Variants in CTNNA2 observed in about 807,000 individuals in gnomAD.
The protein encoded by CTNNA2 is catenin alpha 2, also known as catenin alpha-2.
CTNNA2 carries 42 observed loss-of-function variants against 101.0 expected under a neutral mutation model. The ratio of observed to expected loss-of-function variants is 0.42; its 90% confidence interval spans 0.32 to 0.54. CTNNA2 has a LOEUF of 0.54. CTNNA2 is among the 20% of genes least tolerant of loss of function. The probability of loss-of-function intolerance (pLI) is 0.14; values close to 1 mark genes in which losing one functional copy is unlikely to be tolerated. For missense variants in CTNNA2, 871 were observed against 1,223.1 expected (o/e 0.71, Z 4.29); for synonymous variants, 450 against 456.4 (o/e 0.99, Z 0.18).
chr2:79,964,675 G>A (rs1358572455), intron 7 of CTNNA2, among the ~76,000 whole-genome samples: 1 of 152,078 alleles, frequency 6.6e-6, no homozygotes, highest in Non-Finnish European at 1.5e-5. Context: ...ACAAGTTCTG[G>A]GTAAATGTGC....
chr2:80,217,129 G>A (rs1444461362), intron 7 of CTNNA2, among the ~76,000 whole-genome samples: 1 of 151,996 alleles, frequency 6.6e-6, no homozygotes, highest in African/African-American at 2.4e-5. Flanking sequence ...ACCGAGCCCA[G>A]CCTATTTCTA....
intron 18 of CTNNA2, among the ~76,000 whole-genome samples, chr2:80,642,305 T>A (rs976747583): frequency 6.6e-6 from 1 of 152,150 alleles, no homozygotes; most frequent in Non-Finnish European, 1.5e-5. Flanking sequence ...TCAAGGTAAA[T>A]TGCTATTCCT....
chr2:79,762,369 T>C (rs1313264125), intron 3 of CTNNA2, among the ~76,000 whole-genome samples: 1 of 151,928 alleles, frequency 6.6e-6, no homozygotes, highest in African/African-American at 2.4e-5. Flanking sequence ...CCTGGAGGAG[T>C]GCTTCAAGAA....
intron 7 of CTNNA2, among the ~76,000 whole-genome samples, chr2:80,007,973 A>G (rs912168348): frequency 3.9e-5 from 6 of 152,196 alleles, no homozygotes; most frequent in Non-Finnish European, 7.4e-5. Flanking sequence ...ATTAACTTGT[A>G]ATGTTCAAAA....
chr2:80,145,974 A>G (rs933832364), intron 7 of CTNNA2, among the ~76,000 whole-genome samples: 5 of 152,194 alleles, frequency 3.3e-5, no homozygotes, highest in African/African-American at 1.2e-4. Flanking sequence ...GCTTTGACCC[A>G]TAGAATGTGG....
intron 1 of CTNNA2, among the ~76,000 whole-genome samples, chr2:79,595,855 C>G (rs1677156540): frequency 6.6e-6 from 1 of 151,332 alleles, no homozygotes; most frequent in Non-Finnish European, 1.5e-5. Flanking sequence ...TAGATGGTTT[C>G]CAACTGCCTT....
At chr2:80,046,556 A>G (rs561705293) in intron 7 of CTNNA2, among the ~76,000 whole-genome samples, 41 of 152,206 alleles carry the variant, frequency 2.7e-4, no homozygotes, top group Non-Finnish European at 3.8e-4. Flanking sequence ...ACAGAACTCT[A>G]TGTTCAAACA....
intron 4 of CTNNA2, among the ~76,000 whole-genome samples, chr2:79,475,532 T>G (rs1342928452): frequency 6.6e-6 from 1 of 152,164 alleles, no homozygotes; most frequent in Non-Finnish European, 1.5e-5. Context: ...ATATGAACCA[T>G]CCAAAGAGAT....
intron 1 of CTNNA2, among the ~76,000 whole-genome samples, chr2:79,537,144 A>G (rs1673123590): frequency 6.6e-6 from 1 of 152,084 alleles, no homozygotes; most frequent in Admixed American, 6.5e-5. Flanking sequence ...CCATTGAAGG[A>G]CGTTCTGTTG....
At chr2:80,418,828 A>C (rs1483807314) in intron 8 of CTNNA2, among the ~76,000 whole-genome samples, 1 of 152,230 alleles carries the variant, frequency 6.6e-6, no homozygotes, top group Non-Finnish European at 1.5e-5. Flanking sequence ...ATGATGTATA[A>C]TTATGCATTG....
chr2:80,492,672 G>C (rs1440767607), intron 9 of CTNNA2, among the ~76,000 whole-genome samples: 1 of 152,090 alleles, frequency 6.6e-6, no homozygotes, highest in East Asian at 1.9e-4. Flanking sequence ...CTATCTTGTA[G>C]ATTCCTCTAA....
At chr2:79,682,506 A>G (rs979425172) in intron 2 of CTNNA2, among the ~76,000 whole-genome samples, 1 of 151,892 alleles carries the variant, frequency 6.6e-6, no homozygotes, top group African/African-American at 2.4e-5. Context: ...CTTAAGATAT[A>G]TAGCCTGAAC....
intron 7 of CTNNA2, among the ~76,000 whole-genome samples, chr2:79,966,512 A>G (rs1284957367): frequency 6.6e-6 from 1 of 152,160 alleles, no homozygotes; most frequent in Non-Finnish European, 1.5e-5. Flanking sequence ...CTAGGATTAC[A>G]GGCTTTAGCC....
intron 2 of CTNNA2, among the ~76,000 whole-genome samples, chr2:79,702,384 A>C (rs773993639): frequency 6.6e-6 from 1 of 152,202 alleles, no homozygotes; most frequent in Non-Finnish European, 1.5e-5. Flanking sequence ...ATGCTACAAT[A>C]GCAGAGCTAA....
At chr2:80,048,785 T>C (rs1241268127) in intron 7 of CTNNA2, among the ~76,000 whole-genome samples, 1 of 152,202 alleles carries the variant, frequency 6.6e-6, no homozygotes, top group Admixed American at 6.5e-5. Context: ...AATGGGAAGT[T>C]CTACTGTGTA....
intron 3 of CTNNA2, among the ~76,000 whole-genome samples, chr2:79,315,595 G>A (rs536198790): frequency 7.2e-5 from 11 of 152,228 alleles, no homozygotes; most frequent in African/African-American, 1.9e-4. Context: ...TTTTTATGGT[G>A]TAATAATATT....
intron 4 of CTNNA2, chr2:79,498,905 AATG>A (rs1168707839): frequency 6.6e-6 from 1 of 152,184 alleles, no homozygotes; most frequent in African/African-American, 2.4e-5. Flanking sequence ...GGCAGAAAAG[AATG>A]ATATTTTCTT....
chr2:80,437,667 T>C (rs1682161939), intron 9 of CTNNA2, among the ~76,000 whole-genome samples: 1 of 152,182 alleles, frequency 6.6e-6, no homozygotes, highest in Non-Finnish European at 1.5e-5. Flanking sequence ...TTCTAAAGTA[T>C]AGGTACAGTA....
At chr2:79,867,742 A>T (rs1317285313) in intron 4 of CTNNA2, among the ~76,000 whole-genome samples, 2 of 152,200 alleles carry the variant, frequency 1.3e-5, no homozygotes, top group Non-Finnish European at 2.9e-5. Context: ...TGGTCTGATT[A>T]ACAGCCTATG....
Sources: gnomAD v4.1 joint callset for allele counts (sites outside exome capture counted in the v4.1 genomes callset) on GRCh38, gnomAD v4.1.1 for gene constraint, MANE v1.5 for transcripts, NCBI Gene and HGNC (gene_info 2026-07-23, HGNC 2026-07-21) for gene names.